CAPRIN2: variants seen among roughly 807,000 people sequenced by gnomAD.
CAPRIN2 encodes the protein caprin family member 2.
CAPRIN2 carries 66 observed loss-of-function variants against 130.4 expected under a neutral mutation model. That is an observed-to-expected ratio of 0.51 (90% CI 0.42 to 0.62). The LOEUF (loss-of-function observed/expected upper bound fraction) is 0.62. Among genes scored for constraint, CAPRIN2 ranks in the 20% least tolerant of loss-of-function variants. The pLI is 0.00. For synonymous variants in CAPRIN2, 471 were observed against 444.1 expected (o/e 1.06, Z -0.76); for missense variants, 1,185 against 1,246.6 (o/e 0.95, Z 0.74).
At chr12:30,738,231 G>A (rs2065780879) in intron 3 of CAPRIN2, among the ~76,000 whole-genome samples, 1 of 151,760 alleles carries the variant, frequency 6.6e-6, no homozygotes, top group Non-Finnish European at 1.5e-5. Context: ...CTCAAACACA[G>A]GCAAGTAAAA....
At chr12:30,740,239 A>G (rs986457908) in intron 3 of CAPRIN2, among the ~76,000 whole-genome samples, 2 of 152,166 alleles carry the variant, frequency 1.3e-5, no homozygotes, top group African/African-American at 4.8e-5. Flanking sequence ...ACTGCACTCT[A>G]GGCTGGGTGA....
At chr12:30,751,452 C>A (rs532868777) in intron 1 of CAPRIN2, 1 of 238,038 alleles carries the variant, frequency 4.2e-6, no homozygotes, top group African/African-American at 2.2e-5. Context: ...AACACAGTAG[C>A]TTCTCAACAG....
chr12:30,726,543 C>T (rs1057156697), intron 8 of CAPRIN2, among the ~76,000 whole-genome samples: 2 of 152,070 alleles, frequency 1.3e-5, no homozygotes, highest in African/African-American at 2.4e-5. Flanking sequence ...CATACACATA[C>T]CCTAAAATTG....
At chr12:30,735,266 C>T (rs1023873516) in intron 3 of CAPRIN2, 60 bp from the exon 5 acceptor site, 15 of 1,288,538 alleles carry the variant, frequency 1.2e-5, no homozygotes, top group East Asian at 2.3e-5. Context: ...ATTAGCAATA[C>T]GTATCTACAA....
At chr12:30,732,952 A>T (rs2063242026) in intron 5 of CAPRIN2, among the ~76,000 whole-genome samples, 3 of 152,140 alleles carry the variant, frequency 2.0e-5, no homozygotes, top group African/African-American at 7.2e-5. Context: ...CTAACCAAGA[A>T]ATAAATTTTT....
Position 30,710,467 on chromosome 12 carries a change from C to T in CAPRIN2, c.2669G>A (p.Gly890Glu). The T allele has an allele frequency of 6.2e-7, 1 of 1,613,886 alleles. No homozygotes were observed. The highest frequency in any genetic ancestry group is 8.5e-7 in the Non-Finnish European group (1 of 1,179,910). ...GCTCACCTGAGAAGAATCACTCCAC[C>T]CTGCTGTTTTATTAGCAACAGTGAG... Residue 890 changes from glycine to glutamate, a missense_variant, in exon 17 of 17, where the codon GGG (glycine) becomes GAG (glutamate). Physicochemically the swap from Gly to Glu is moderately conservative, Grantham distance 98. Transcript: ENST00000298892. The surrounding 1 kb of genome is among the most constrained non-coding windows in gnomAD (Gnocchi z 4.8).
At chr12:30,749,089 G>A (rs1158661036) in intron 2 of CAPRIN2, among the ~76,000 whole-genome samples, 1 of 152,156 alleles carries the variant, frequency 6.6e-6, no homozygotes, top group Admixed American at 6.5e-5. Context: ...GGCTGAAGGA[G>A]GTTGGGAATT....
chr12:30,738,184 A>G (rs1331778171), intron 3 of CAPRIN2, among the ~76,000 whole-genome samples: 1 of 152,160 alleles, frequency 6.6e-6, no homozygotes, highest in Non-Finnish European at 1.5e-5. Flanking sequence ...GGCAACCTCC[A>G]AAGTACTTTA....
exon 1 of CAPRIN2, chr12:30,753,524 C>A: frequency 1.2e-6 from 2 of 1,614,096 alleles, no homozygotes; most frequent in Non-Finnish European, 1.7e-6. Flanking sequence ...ACTTCATATT[C>A]CCCTCTCTTT....
At position 30,720,743 on chromosome 12, in the gene CAPRIN2, A is replaced by G. The variant is rs1023762102; in HGVS notation, c.2148+68T>C. 4 of 886,732 alleles carry G rather than the reference A, an allele frequency of 4.5e-6. No individual in the cohort carries two copies. In the African/African-American group the frequency reaches 5.0e-5, roughly 11 times the overall value. 54.9% of individuals were successfully genotyped at this position (886,732 alleles called of 1,614,324 possible). A position where few individuals can be genotyped will look rare whatever the true frequency, so the allele number is the denominator to read the frequency against. The stretch of plus-strand genomic sequence containing the variant: ...CATCATTCAACTAATCATGCCTGTA[A>G]TTCATAAGATAAACTGGTTCTGCTA... On this transcript the variant is annotated intron_variant, in intron 12 of 16. Transcript: ENST00000298892.
chr12:30,717,414 T>C (rs2057981394), intron 12 of CAPRIN2, among the ~76,000 whole-genome samples: 2 of 152,130 alleles, frequency 1.3e-5, no homozygotes, highest in South Asian at 4.1e-4. Context: ...TTAGCAGAGC[T>C]GTGGAGGGGG....
chr12:30,748,501 C>T, intron 2 of CAPRIN2, among the ~76,000 whole-genome samples: 1 of 152,244 alleles, frequency 6.6e-6, no homozygotes, highest in Non-Finnish European at 1.5e-5. Flanking sequence ...GCACACTTAA[C>T]AGACTACAGT....
chr12:30,749,037 T>C (rs1379546978), intron 2 of CAPRIN2, among the ~76,000 whole-genome samples: 1 of 152,012 alleles, frequency 6.6e-6, no homozygotes, highest in Non-Finnish European at 1.5e-5. Context: ...GGAGGTATAG[T>C]GAGGTGAGAA....
chr12:30,732,409 AG>A (rs1489615303), intron 5 of CAPRIN2, among the ~76,000 whole-genome samples: 5 of 152,010 alleles, frequency 3.3e-5, no homozygotes, highest in African/African-American at 1.2e-4. Context: ...AAAAAAAATC[AG>A]CTTTCAGATA....
chr12:30,726,266 C>G (rs2060894377), intron 8 of CAPRIN2, among the ~76,000 whole-genome samples, 178 bp from the exon 10 acceptor site: 1 of 152,042 alleles, frequency 6.6e-6, no homozygotes, highest in Non-Finnish European at 1.5e-5. Context: ...CAGATTTTTC[C>G]CCTTCACAAT....
intron 6 of CAPRIN2, among the ~76,000 whole-genome samples, chr12:30,730,813 A>C (rs1354718874): frequency 1.3e-5 from 2 of 152,210 alleles, no homozygotes; most frequent in Non-Finnish European, 2.9e-5. Context: ...CTACCTCCTG[A>C]GAAGAGGTAT....
chr12:30,750,615 T>C (rs1411060107), intron 2 of CAPRIN2, among the ~76,000 whole-genome samples: 2 of 151,538 alleles, frequency 1.3e-5, no homozygotes, highest in African/African-American at 2.4e-5. Context: ...GATAGAAAAG[T>C]AGGAAGAGAC....
intron 6 of CAPRIN2, 61 bp downstream of exon 7, chr12:30,731,282 G>T: frequency 7.7e-7 from 1 of 1,301,248 alleles, no homozygotes; most frequent in Non-Finnish European, 1.1e-6. Flanking sequence ...CACAATACGT[G>T]ACTCATTTGG....
rs760918490 is a variant in CAPRIN2 at position 30,720,881 on chromosome 12, G to A, written c.2078C>T (p.Ala693Val). The A allele has an allele frequency of 5.6e-6, 9 of 1,613,494 alleles. No homozygotes were observed. The East Asian group carries it at 1.1e-4, about 20-fold the overall frequency. Reference sequence around the variant, plus strand: ...AGCCTGATCGGTAGTAACCAAGCAAGCATTTGAGCTACAAGTAACTGGAGA... The same window carrying A: ...AGCCTGATCGGTAGTAACCAAGCAAACATTTGAGCTACAAGTAACTGGAGA... Residue 693 changes from alanine to valine, a missense_variant, in exon 12 of 17, where the codon GCT (alanine) becomes GTT (valine). Ala to Val is a moderately conservative substitution (Grantham distance 64). Around this residue, in one of 2 missense-constraint regions of CAPRIN2, gnomAD observed 1,104 missense variants for 1,104.3 expected, o/e 1.00. Coordinates refer to ENST00000298892, the Ensembl canonical transcript of CAPRIN2.
Sources: gnomAD v4.1 joint callset for allele counts (sites outside exome capture counted in the v4.1 genomes callset) on GRCh38, gnomAD v4.1.1 for gene constraint, gnomAD v4.1.1 regional missense constraint, Gnocchi (gnomAD v3.1) non-coding constraint, MANE v1.5 for transcripts, NCBI Gene and HGNC (gene_info 2026-07-23, HGNC 2026-07-21) for gene names.